FBXL7: variants seen among roughly 807,000 people sequenced by gnomAD.
FBXL7 encodes F-box/LRR-repeat protein 7.
FBXL7 carries 12 observed loss-of-function variants against 38.3 expected under a neutral mutation model. That is an observed-to-expected ratio of 0.31 (90% CI 0.20 to 0.51). The LOEUF is 0.51. Among genes scored for constraint, FBXL7 ranks in the 20% least tolerant of loss-of-function variants. FBXL7 has a pLI of 0.98. For synonymous variants in FBXL7, 297 were observed against 300.9 expected, an observed-to-expected ratio of 0.99 and a Z score of 0.13; for missense variants, 567 against 676.4, an observed-to-expected ratio of 0.84 and a Z score of 1.79.
intron 2 of FBXL7, among the ~76,000 whole-genome samples, chr5:15,807,639 G>T (rs953802105): frequency 4.6e-5 from 7 of 151,512 alleles, no homozygotes; most frequent in African/African-American, 1.7e-4. Flanking sequence ...CTAACTGCAG[G>T]TACTTTTGCC....
chr5:15,868,757 A>G (rs1351111950), intron 2 of FBXL7, among the ~76,000 whole-genome samples: 1 of 152,142 alleles, frequency 6.6e-6, no homozygotes, highest in Non-Finnish European at 1.5e-5. Flanking sequence ...TTTCCATTCA[A>G]TGGAACCTCC....
At chr5:15,826,779 G>C (rs1371173849) in intron 2 of FBXL7, among the ~76,000 whole-genome samples, 3 of 152,110 alleles carry the variant, frequency 2.0e-5, no homozygotes, top group South Asian at 2.1e-4. Context: ...AGACCTAGTC[G>C]TATGCCTAGG....
At chr5:15,682,770 G>A (rs1198824951) in intron 2 of FBXL7, among the ~76,000 whole-genome samples, 1 of 152,194 alleles carries the variant, frequency 6.6e-6, no homozygotes. Context: ...TGTGCAGGCT[G>A]CATCTTAACT....
chr5:15,641,953 G>A (rs1741380653), intron 2 of FBXL7, among the ~76,000 whole-genome samples: 1 of 141,346 alleles, frequency 7.1e-6, no homozygotes, highest in African/African-American at 2.6e-5. Context: ...GTGTGTGTGT[G>A]TGTGTGTGTG....
At chr5:15,642,602 A>G (rs1300074171) in intron 2 of FBXL7, among the ~76,000 whole-genome samples, 1 of 152,242 alleles carries the variant, frequency 6.6e-6, no homozygotes, top group African/African-American at 2.4e-5. Flanking sequence ...TTCAGGTGAT[A>G]CTGAGTAAGA....
At chr5:15,924,058 A>T (rs1741816156) in intron 2 of FBXL7, among the ~76,000 whole-genome samples, 1 of 152,140 alleles carries the variant, frequency 6.6e-6, no homozygotes. Context: ...CCTCCAAGAA[A>T]CACTGGTTTC....
At chr5:15,515,338 G>T (rs1736906005) in intron 1 of FBXL7, among the ~76,000 whole-genome samples, 1 of 152,152 alleles carries the variant, frequency 6.6e-6, no homozygotes, top group African/African-American at 2.4e-5. Flanking sequence ...GCTGGCAAAA[G>T]AACAAAAAAC....
chr5:15,771,207 G>C (rs904210357), intron 2 of FBXL7, among the ~76,000 whole-genome samples: 10 of 152,158 alleles, frequency 6.6e-5, no homozygotes, highest in Admixed American at 5.9e-4. Context: ...CACAGCATTT[G>C]CTTCTACCTT....
chr5:15,688,933 C>G (rs1743097502), intron 2 of FBXL7, among the ~76,000 whole-genome samples: 4 of 152,194 alleles, frequency 2.6e-5, no homozygotes, highest in African/African-American at 7.2e-5. Context: ...GAGGAACCCT[C>G]TAGAATCCAT....
chr5:15,764,499 C>T (rs1736532640), intron 2 of FBXL7, among the ~76,000 whole-genome samples: 1 of 152,104 alleles, frequency 6.6e-6, no homozygotes, highest in Non-Finnish European at 1.5e-5. Flanking sequence ...GTACAGAGGC[C>T]TCTAGGATCC....
chr5:15,572,328 A>G (rs1445271093), intron 1 of FBXL7, among the ~76,000 whole-genome samples: 1 of 151,828 alleles, frequency 6.6e-6, no homozygotes, highest in Admixed American at 6.6e-5. Context: ...GTTACATGCA[A>G]GGATAAATCA....
intron 2 of FBXL7, among the ~76,000 whole-genome samples, chr5:15,851,773 CAAAT>C (rs1176768352): frequency 6.6e-6 from 1 of 151,278 alleles, no homozygotes; most frequent in Non-Finnish European, 1.5e-5. Context: ...TATTCTCACG[CAAAT>C]AAATAACAAA....
At chr5:15,697,147 A>T (rs1228662784) in intron 2 of FBXL7, among the ~76,000 whole-genome samples, 1 of 152,190 alleles carries the variant, frequency 6.6e-6, no homozygotes, top group East Asian at 1.9e-4. Context: ...GTTTTTGTAC[A>T]TGTAAGATTG....
intron 1 of FBXL7, among the ~76,000 whole-genome samples, chr5:15,506,621 T>G (rs770373972): frequency 4.6e-5 from 7 of 151,998 alleles, no homozygotes; most frequent in Non-Finnish European, 7.4e-5. Context: ...ATTCTGAGAT[T>G]GGGGTTCCAG....
intron 2 of FBXL7, among the ~76,000 whole-genome samples, chr5:15,823,147 C>T (rs1008687698): frequency 5.3e-5 from 8 of 152,142 alleles, no homozygotes; most frequent in African/African-American, 1.7e-4. Flanking sequence ...CCGTATAAGC[C>T]GTTTTCTATT....
intron 1 of FBXL7, among the ~76,000 whole-genome samples, chr5:15,611,024 G>A (rs77065859): frequency 0.033 from 5,020 of 152,188 alleles, 115 homozygotes; most frequent in Non-Finnish European, 0.051. Flanking sequence ...ACATGTAAGC[G>A]GGCTGCAAGC....
chr5:15,713,269 G>A (rs1743934958), intron 2 of FBXL7, among the ~76,000 whole-genome samples: 1 of 152,104 alleles, frequency 6.6e-6, no homozygotes, highest in Admixed American at 6.6e-5. Flanking sequence ...CATCAGATCT[G>A]GTGCACCTTA....
chr5:15,657,069 A>C (rs183082322), intron 2 of FBXL7, among the ~76,000 whole-genome samples: 5 of 152,188 alleles, frequency 3.3e-5, no homozygotes, highest in Admixed American at 6.5e-5. Context: ...ATATTGAAGG[A>C]CATAAAACAA....
chr5:15,594,705 T>G (rs965754606), intron 1 of FBXL7, among the ~76,000 whole-genome samples: 4 of 152,264 alleles, frequency 2.6e-5, no homozygotes, highest in African/African-American at 9.6e-5. Context: ...AATCAGGTTT[T>G]CAGAGTTATA....
Sources: gnomAD v4.1 joint callset for allele counts (sites outside exome capture counted in the v4.1 genomes callset) on GRCh38, gnomAD v4.1.1 for gene constraint, MANE v1.5 for transcripts, NCBI Gene and HGNC (gene_info 2026-07-23, HGNC 2026-07-21) for gene names.